CEP164: variants seen among roughly 807,000 people sequenced by gnomAD.
CEP164 encodes centrosomal protein of 164 kDa.
Under a neutral mutation model 182.7 loss-of-function variants are expected in CEP164, and 162 were observed. The observed-to-expected ratio is 0.89, with a 90% CI of 0.78 to 1.01. CEP164 has a LOEUF of 1.01. Ranked by LOEUF, CEP164 falls within the 50% of genes least tolerant of loss-of-function variation. The pLI is 0.00. For missense variants in CEP164, 1,735 were observed against 1,790.4 expected (o/e 0.97, Z 0.56); for synonymous variants, 661 against 690.0 (o/e 0.96, Z 0.66).
chr11:117,332,646 G>C (rs2036408456), intron 1 of CEP164, among the ~76,000 whole-genome samples: 1 of 152,210 alleles, frequency 6.6e-6, no homozygotes. Flanking sequence ...AAAATTATGA[G>C]CTCAGTGCTA....
chr11:117,401,470 G>A (rs2046126397), intron 27 of CEP164, among the ~76,000 whole-genome samples: 1 of 152,186 alleles, frequency 6.6e-6, no homozygotes, highest in Non-Finnish European at 1.5e-5. Flanking sequence ...CCAGGTTTTG[G>A]TATCAGGATG....
intron 8 of CEP164, among the ~76,000 whole-genome samples, chr11:117,366,536 G>C (rs1290623666): frequency 1.3e-5 from 2 of 152,226 alleles, no homozygotes; most frequent in Admixed American, 1.3e-4. Context: ...TAGGCGAGCA[G>C]ACTTTATGTG....
Position 117,411,827 on chromosome 11 carries a change from C to G in CEP164, c.4196C>G (p.Ser1399Trp). 1 of 1,614,178 alleles carries G rather than the reference C, an allele frequency of 6.2e-7. No homozygotes were observed. Among genetic ancestry groups the G allele is most frequent in the South Asian group, 1.1e-5 (1 of 91,072 alleles). ...EQLRLLQHSH[S>W]QVPEAGSTTF... is the part of the protein sequence containing the mutation. ...CTCCGGCTCCTACAGCACTCCCATT[C>G]GCAAGTCCCTGAGGCGGGCAGCACC... Residue 1399 changes from serine to tryptophan, a missense_variant, in exon 32 of 33, where the codon TCG becomes TGG. By Grantham distance (177) the Ser-to-Trp change is radical. Transcript: ENST00000278935. This position sits in a 1 kb window ranked among gnomAD's most constrained non-coding sequence, Gnocchi z 4.4.
intron 5 of CEP164, among the ~76,000 whole-genome samples, chr11:117,359,034 T>G (rs2040632569): frequency 6.6e-6 from 1 of 151,736 alleles, no homozygotes; most frequent in Non-Finnish European, 1.5e-5. Flanking sequence ...AACCTCTATC[T>G]CCCAGGTTCA....
At chr11:117,323,945 TG>T, upstream of CEP164, 1 of 319,894 alleles carries the variant, frequency 3.1e-6, no homozygotes, top group Middle Eastern at 3.9e-4. Flanking sequence ...TCCGGTTATT[TG>T]GTTTTTTTTC....
chr11:117,351,853 T>C lies in CEP164; in HGVS notation c.258T>C (p.His86=). 1 of 1,613,296 alleles carries C rather than the reference T, an allele frequency of 6.2e-7. No individual in the cohort carries two copies. Among genetic ancestry groups the C allele is most frequent in the Non-Finnish European group, 8.5e-7 (1 of 1,179,890 alleles). The change falls in exon 5 of 33, where the codon CAT becomes CAC. Residue 86 remains histidine, a synonymous_variant. Transcript: ENST00000278935. ...NFANGQSMWD[H]PCDEHYRSLV... ...CCAACGGGCAGTCTATGTGGGACCA[T>C]CCATGTGACGAACACTATCGGAGCT...
chr11:117,408,380 C>T lies in CEP164; in HGVS notation c.3609+348C>T, dbSNP rs150561148. 1.7e-4 allele frequency: 40 copies of T among 236,066 alleles called. No homozygotes were observed. In the East Asian group the frequency reaches 3.6e-3, roughly 21 times the overall value. The allele number at this position is 236,066 out of a possible 1,614,324, so 14.6% of individuals were successfully genotyped here. A position where few individuals can be genotyped will look rare whatever the true frequency, so the allele number is the denominator to read the frequency against. On this transcript the variant is annotated intron_variant, in intron 28 of 32. Coordinates refer to ENST00000278935, the MANE Select transcript of CEP164 (RefSeq NM_014956.5). ...ACACATGATAGATTTTCCTACCTGC[C>T]TTGGGACCTTGTGGACTTTCTCCTA...
intron 4 of CEP164, among the ~76,000 whole-genome samples, chr11:117,351,229 CCA>C (rs2039583719): frequency 6.6e-6 from 1 of 152,106 alleles, no homozygotes; most frequent in African/African-American, 2.4e-5. Flanking sequence ...CAGGGTTTCT[CCA>C]TGTTGGTCAG....
intron 5 of CEP164, chr11:117,355,281 A>G (rs1324382570): frequency 6.2e-6 from 8 of 1,289,804 alleles, no homozygotes; most frequent in East Asian, 5.5e-5. Flanking sequence ...GAGAAAATCT[A>G]CCTGGGGTTT....
At chr11:117,363,349 C>T (rs2041227836) in intron 7 of CEP164, 80 bp from the exon 8 acceptor site, 3 of 1,008,132 alleles carry the variant, frequency 3.0e-6, no homozygotes, top group Admixed American at 1.8e-5. Context: ...AGCAGTGCCC[C>T]ACTTTTCCCT....
intron 1 of CEP164, among the ~76,000 whole-genome samples, chr11:117,331,286 G>C (rs1401391780): frequency 1.3e-5 from 2 of 152,212 alleles, no homozygotes; most frequent in African/African-American, 2.4e-5. Flanking sequence ...GGTGTCCCCA[G>C]ATGAGCAGAA....
chr11:117,370,918 T>TA (rs903872718), intron 8 of CEP164, among the ~76,000 whole-genome samples, 162 bp from the exon 9 acceptor site: 29 of 146,100 alleles, frequency 2.0e-4, no homozygotes, highest in Admixed American at 4.1e-4. Flanking sequence ...CTCAAAAAAA[T>TA]AAAAAAAAAA....
Position 117,409,823 on chromosome 11 carries a change from G to A in CEP164, c.3954G>A (p.Leu1318=). Residue 1318 remains leucine, a synonymous_variant, in exon 30 of 33, where the codon CTG becomes CTA. Transcript: ENST00000278935. This position sits in a 1 kb window ranked among gnomAD's most constrained non-coding sequence, Gnocchi z 4.4. ...CCACCCCCACCTACTATGGCTCCCT[G>A]GCCAGGTTCTCAGCCTTATCATCTG... ...STPTPTYYGS[L]ARFSALSSAT... 6.3e-7 allele frequency: 1 copy of A among 1,577,936 alleles called. No individual in the cohort carries two copies. The highest frequency in any genetic ancestry group is 8.5e-7 in the Non-Finnish European group (1 of 1,172,280).
At chr11:117,368,478 G>GA (rs1306307534) in intron 8 of CEP164, among the ~76,000 whole-genome samples, 4 of 152,186 alleles carry the variant, frequency 2.6e-5, no homozygotes, top group African/African-American at 9.7e-5. Context: ...TTTATGGTCT[G>GA]ATACCTCCTT....
chr11:117,409,656 G>T lies in CEP164; in HGVS notation c.3787G>T (p.Gly1263Trp). ...GAGTCTCACCTCCCGCAAGATCCAC[G>T]GGCTTAGCCACTCCCTCCGGCAGAT... ...TPSLTSRKIH[G>W]LSHSLRQISS... is the part of the protein sequence containing the mutation. Residue 1263 changes from glycine (G) to tryptophan (W), a missense_variant, in exon 30 of 33, where the codon GGG becomes TGG. Physicochemically the swap from Gly to Trp is radical, Grantham distance 184 (BLOSUM62 -2). Transcript: ENST00000278935. This position sits in a 1 kb window ranked among gnomAD's most constrained non-coding sequence, Gnocchi z 4.4. The T allele has an allele frequency of 6.2e-7, 1 of 1,611,622 alleles. No individual in the cohort carries two copies. The highest frequency in any genetic ancestry group is 8.5e-7 in the Non-Finnish European group (1 of 1,178,090).
At chr11:117,368,789 T>C (rs2041912896) in intron 8 of CEP164, among the ~76,000 whole-genome samples, 1 of 152,240 alleles carries the variant, frequency 6.6e-6, no homozygotes, top group Non-Finnish European at 1.5e-5. Context: ...CTGCTTCACT[T>C]GAAGAGGAGA....
In CEP164 at chr11:117,410,894, G is replaced by C; in HGVS notation, c.4163G>C (p.Ser1388Thr). Reference protein sequence around the residue: ...LESRLGYMSASEQLRLLQHSH... With the variant: ...LESRLGYMSATEQLRLLQHSH... ...AGCAGGCTGGGTTACATGTCTGCCA[G>C]GTGAGCCTCCCTGGGGGCTGGTTGG... Residue 1388 changes from serine to threonine, a missense_variant and splice_region_variant, in exon 31 of 33, where the codon AGT becomes ACT. By Grantham distance (58) the Ser-to-Thr change is moderately conservative. Coordinates refer to ENST00000278935, the MANE Select transcript of CEP164 (RefSeq NM_014956.5). The C allele has an allele frequency of 6.2e-7, 1 of 1,612,774 alleles. No individual in the cohort carries two copies. Among genetic ancestry groups the C allele is most frequent in the Non-Finnish European group, 8.5e-7 (1 of 1,179,470 alleles).
chr11:117,350,008 C>G (rs1485785919), intron 4 of CEP164, among the ~76,000 whole-genome samples: 13 of 151,922 alleles, frequency 8.6e-5, no homozygotes, highest in Non-Finnish European at 1.5e-5. Context: ...CTCCTGACCT[C>G]GTGATCTGCC....
At chr11:117,399,874 T>C (rs1431205791) in intron 27 of CEP164, among the ~76,000 whole-genome samples, 4 of 152,224 alleles carry the variant, frequency 2.6e-5, no homozygotes, top group Non-Finnish European at 4.4e-5. Flanking sequence ...TCTTTGTAGA[T>C]TCTGGATATT....
Sources: allele counts gnomAD v4.1 joint callset (sites outside exome capture counted in the v4.1 genomes callset), GRCh38; gene constraint gnomAD v4.1.1; non-coding constraint Gnocchi (gnomAD v3.1); transcripts MANE v1.5; gene names NCBI Gene and HGNC (gene_info 2026-07-23, HGNC 2026-07-21).